DGKB: variants seen among roughly 807,000 people sequenced by gnomAD.
DGKB encodes diacylglycerol kinase beta, also known as 90 kDa diacylglycerol kinase.
Under a neutral mutation model 114.3 loss-of-function variants are expected in DGKB, and 67 were observed. That is an observed-to-expected ratio of 0.59 (90% CI 0.48 to 0.72). DGKB has a LOEUF of 0.72. DGKB is among the 30% of genes least tolerant of loss of function. The pLI is 0.00. For missense variants in DGKB, 907 were observed against 975.2 expected (o/e 0.93, Z 0.93); for synonymous variants, 398 against 323.1 (o/e 1.23, Z -2.49).
chr7:14,415,300 A>G (rs1046466614), intron 21 of DGKB, among the ~76,000 whole-genome samples: 3 of 151,952 alleles, frequency 2.0e-5, no homozygotes, highest in Admixed American at 1.3e-4. Flanking sequence ...TAAAAGCTTT[A>G]GTGTACATGT....
intron 23 of DGKB, among the ~76,000 whole-genome samples, chr7:14,202,065 A>G (rs1158308310): frequency 6.6e-6 from 1 of 152,010 alleles, no homozygotes; most frequent in Non-Finnish European, 1.5e-5. Context: ...GAAGTGACAA[A>G]TATATTTCTT....
intron 21 of DGKB, among the ~76,000 whole-genome samples, chr7:14,476,171 A>T (rs1046861412): frequency 6.6e-6 from 1 of 152,068 alleles, no homozygotes; most frequent in Non-Finnish European, 1.5e-5. Flanking sequence ...TATGAATATA[A>T]ATATGAATGC....
At chr7:14,277,784 C>T (rs1042895221) in intron 23 of DGKB, among the ~76,000 whole-genome samples, 1 of 151,968 alleles carries the variant, frequency 6.6e-6, no homozygotes, top group East Asian at 1.9e-4. Flanking sequence ...GGATATATAC[C>T]CGAGGTAGGA....
chr7:14,507,241 A>G (rs1787233645), intron 20 of DGKB, among the ~76,000 whole-genome samples: 2 of 152,118 alleles, frequency 1.3e-5, no homozygotes, highest in South Asian at 4.1e-4. Context: ...AGAGCAATGT[A>G]TTTTTTGATG....
intron 13 of DGKB, among the ~76,000 whole-genome samples, chr7:14,671,863 G>A (rs963492276): frequency 4.6e-5 from 7 of 152,018 alleles, no homozygotes; most frequent in African/African-American, 1.7e-4. Context: ...AACCTAAAAT[G>A]TAAAGTATTT....
rs577819989 is a variant in DGKB, at chr7:14,846,793, C to T, written c.-187-5343G>A. On this transcript the variant is annotated intron_variant, in intron 1 of 25. Coordinates refer to ENST00000402815, the MANE Select transcript of DGKB (RefSeq NM_001350709.2). ...GAAGAGTTGAAGAAAGCTCTTTGGG[C>T]CACTGTACCTGGGCTAAAGCACAAT... Among the ~76,000 whole-genome samples, 11 of 152,264 alleles carry T rather than the reference C, an allele frequency of 7.2e-5. No homozygotes were observed. The East Asian group carries it at 1.6e-3, about 21-fold the overall frequency.
chr7:14,956,690 G>C (rs1490866386), intron 1 of DGKB, among the ~76,000 whole-genome samples: 1 of 151,906 alleles, frequency 6.6e-6, no homozygotes, highest in African/African-American at 2.4e-5. Context: ...TAACATCAAA[G>C]ATCAATGTGG....
chr7:14,700,071 A>T (rs1485882698), intron 7 of DGKB, among the ~76,000 whole-genome samples: 1 of 152,192 alleles, frequency 6.6e-6, no homozygotes, highest in Non-Finnish European at 1.5e-5. Context: ...TATACTAAGC[A>T]TATTAAAGTA....
chr7:14,262,255 G>A (rs988652141), intron 23 of DGKB, among the ~76,000 whole-genome samples: 1 of 152,184 alleles, frequency 6.6e-6, no homozygotes, highest in Non-Finnish European at 1.5e-5. Context: ...TGGTACTGTG[G>A]TTTGAATGTT....
chr7:14,434,662 A>G (rs965826969), intron 21 of DGKB, among the ~76,000 whole-genome samples: 1 of 152,180 alleles, frequency 6.6e-6, no homozygotes, highest in African/African-American at 2.4e-5. Flanking sequence ...TAATACATTT[A>G]ACAAATGTGT....
chr7:14,250,909 T>A (rs1584731456), intron 23 of DGKB, among the ~76,000 whole-genome samples: 1 of 152,206 alleles, frequency 6.6e-6, no homozygotes, highest in African/African-American at 2.4e-5. Flanking sequence ...TGTGACAGGT[T>A]TGGACTTAAA....
chr7:14,745,934 T>C (rs1480138532), intron 4 of DGKB, among the ~76,000 whole-genome samples: 1 of 152,234 alleles, frequency 6.6e-6, no homozygotes, highest in Non-Finnish European at 1.5e-5. Context: ...TTTTTCAGCA[T>C]GCAGGAAAAC....
intron 20 of DGKB, among the ~76,000 whole-genome samples, chr7:14,488,606 G>A (rs540616355): frequency 6.6e-6 from 1 of 150,554 alleles, no homozygotes; most frequent in East Asian, 2.0e-4. Flanking sequence ...GATCACCTGA[G>A]GTCAGGAGTT....
chr7:14,229,250 A>G (rs1791331441), intron 23 of DGKB, among the ~76,000 whole-genome samples: 1 of 151,986 alleles, frequency 6.6e-6, no homozygotes, highest in African/African-American at 2.4e-5. Flanking sequence ...GCATTGCTCA[A>G]CAACAGGGAT....
chr7:14,744,344 G>C (rs1832967584), intron 4 of DGKB, among the ~76,000 whole-genome samples: 1 of 152,160 alleles, frequency 6.6e-6, no homozygotes, highest in Non-Finnish European at 1.5e-5. Context: ...TGACTGGAGA[G>C]GTGTACTTCC....
At chr7:14,835,774 A>G (rs1847072254) in intron 2 of DGKB, among the ~76,000 whole-genome samples, 1 of 152,168 alleles carries the variant, frequency 6.6e-6, no homozygotes, top group Non-Finnish European at 1.5e-5. Flanking sequence ...AAACATGACT[A>G]AGAACCTGTT....
intron 23 of DGKB, among the ~76,000 whole-genome samples, chr7:14,236,981 A>G (rs1323746469): frequency 1.3e-5 from 2 of 151,942 alleles, no homozygotes; most frequent in Non-Finnish European, 2.9e-5. Flanking sequence ...TAGTGGATCA[A>G]TAAATCAATC....
intron 21 of DGKB, among the ~76,000 whole-genome samples, chr7:14,382,935 A>C (rs1423345560): frequency 6.6e-6 from 1 of 152,212 alleles, no homozygotes; most frequent in Non-Finnish European, 1.5e-5. Flanking sequence ...TTAGGAAATT[A>C]AGAAAAGGAT....
chr7:14,918,455 C>T (rs36851), intron 1 of DGKB, among the ~76,000 whole-genome samples: 19,969 of 152,140 alleles, frequency 0.13, 1,671 homozygotes, highest in Non-Finnish European at 0.19. Context: ...CCTTTCTATA[C>T]ACTGACAATG....
Sources: gnomAD v4.1 joint callset for allele counts (sites outside exome capture counted in the v4.1 genomes callset) on GRCh38, gnomAD v4.1.1 for gene constraint, MANE v1.5 for transcripts, NCBI Gene and HGNC (gene_info 2026-07-23, HGNC 2026-07-21) for gene names.